Variants in NMNAT2 observed in about 807,000 individuals in gnomAD.
NMNAT2 encodes the protein nicotinamide nucleotide adenylyltransferase 2.
In NMNAT2, 11 loss-of-function variants were observed where a neutral mutation model predicts 41.6. The ratio of observed to expected loss-of-function variants is 0.26; its 90% confidence interval spans 0.17 to 0.44. The LOEUF is 0.44. Ranked by LOEUF, NMNAT2 falls within the 20% of genes least tolerant of loss-of-function variation. The pLI is 1.00. For missense variants in NMNAT2, 288 were observed against 407.7 expected, an observed-to-expected ratio of 0.71 and a Z score of 2.53; for synonymous variants, 148 against 151.2, an observed-to-expected ratio of 0.98 and a Z score of 0.16.
intron 8 of NMNAT2, among the ~76,000 whole-genome samples, chr1:183,262,712 C>T (rs1421401477): frequency 6.6e-6 from 1 of 152,174 alleles, no homozygotes; most frequent in Admixed American, 6.5e-5. Context: ...TGAGACATAT[C>T]ACCAAGTTGC....
rs199584779 is a variant in NMNAT2, at chr1:183,251,385, G to A, written c.*1256C>T. On this transcript the variant is annotated 3_prime_UTR_variant, in exon 11 of 11. Transcript: ENST00000287713. The stretch of plus-strand genomic sequence containing the variant: ...TCAGTTATCATCAGGGCAACAAATT[G>A]CTTTCTCCTAGTTCATCCTGGACTT... 1.3e-5 allele frequency: 2 copies of A among 152,252 alleles called. No homozygotes were observed. Among genetic ancestry groups the A allele is most frequent in the Non-Finnish European group, 2.9e-5 (2 of 68,072 alleles). 9.4% of individuals were successfully genotyped at this position (152,252 alleles called of 1,614,324 possible). A position where few individuals can be genotyped will look rare whatever the true frequency, so the allele number is the denominator to read the frequency against.
At chr1:183,367,407 G>A (rs1037647233) in intron 1 of NMNAT2, among the ~76,000 whole-genome samples, 1 of 152,162 alleles carries the variant, frequency 6.6e-6, no homozygotes, top group East Asian at 1.9e-4. Flanking sequence ...GCAGTGAGCC[G>A]AGATCGTGCC....
intron 3 of NMNAT2, among the ~76,000 whole-genome samples, chr1:183,291,186 G>A (rs1661531294): frequency 6.6e-6 from 1 of 152,130 alleles, no homozygotes; most frequent in African/African-American, 2.4e-5. Context: ...CAAAGTGCTG[G>A]GATTACAAGC....
At chr1:183,393,715 C>T (rs1648551375) in intron 1 of NMNAT2, among the ~76,000 whole-genome samples, 1 of 152,128 alleles carries the variant, frequency 6.6e-6, no homozygotes, top group South Asian at 2.1e-4. Context: ...ACCACCACGC[C>T]CGGCTAATTT....
intron 1 of NMNAT2, among the ~76,000 whole-genome samples, chr1:183,403,440 A>AC (rs35578924): frequency 0.023 from 3,017 of 132,594 alleles, 47 homozygotes; most frequent in Non-Finnish European, 0.029. Context: ...AAGAGGAACA[A>AC]CCCCCCCCCC....
At chr1:183,295,341 A>C (rs1276550671) in intron 1 of NMNAT2, among the ~76,000 whole-genome samples, 1 of 152,188 alleles carries the variant, frequency 6.6e-6, no homozygotes, top group Non-Finnish European at 1.5e-5. Flanking sequence ...TAGATTAAAA[A>C]AAAAATGAAT....
intron 1 of NMNAT2, chr1:183,304,901 G>T (rs1270323449): frequency 5.5e-6 from 8 of 1,447,638 alleles, no homozygotes; most frequent in Non-Finnish European, 6.4e-6. Flanking sequence ...GCCAGGAAAT[G>T]ATTTATGACC....
intron 1 of NMNAT2, among the ~76,000 whole-genome samples, chr1:183,406,576 T>C (rs1648960370): frequency 6.6e-6 from 1 of 152,214 alleles, no homozygotes; most frequent in Non-Finnish European, 1.5e-5. Context: ...AAAGATGTTT[T>C]AAAAGGGATT....
intron 1 of NMNAT2, among the ~76,000 whole-genome samples, chr1:183,304,492 C>T (rs1030113438): frequency 2.0e-5 from 3 of 152,192 alleles, no homozygotes; most frequent in Non-Finnish European, 2.9e-5. Flanking sequence ...GCAGAAGGTG[C>T]GGGCTGGGCT....
intron 1 of NMNAT2, among the ~76,000 whole-genome samples, chr1:183,403,447 C>T (rs564175346): frequency 1.3e-5 from 2 of 151,484 alleles, no homozygotes; most frequent in African/African-American, 2.4e-5. Context: ...ACAACCCCCC[C>T]CCCCAAAAAA....
chr1:183,290,051 C>T lies in NMNAT2; in HGVS notation c.321+77G>A. 2.5e-6 allele frequency: 3 copies of T among 1,196,430 alleles called. No individual in the cohort carries two copies. In the South Asian group the frequency reaches 4.1e-5, roughly 17 times the overall value. The allele number at this position is 1,196,430 out of a possible 1,614,324, so 74.1% of individuals were successfully genotyped here. ...CCAGCAGCACCCTCTCCTCTCCCTG[C>T]CTGGTTTCTGTGGGTCCAGCCCCTT... On this transcript the variant is annotated intron_variant, in intron 4 of 10. Coordinates refer to ENST00000287713, the MANE Select transcript of NMNAT2 (RefSeq NM_015039.4).
intron 3 of NMNAT2, 35 bp from the exon 4 acceptor site, chr1:183,290,241 T>C: frequency 6.7e-7 from 1 of 1,500,098 alleles, no homozygotes. Context: ...CCTTGGTTTC[T>C]GTTCTCATAT....
chr1:183,310,014 A>G (rs971115869), intron 1 of NMNAT2, among the ~76,000 whole-genome samples: 2 of 152,238 alleles, frequency 1.3e-5, no homozygotes, highest in Non-Finnish European at 2.9e-5. Context: ...GGACACCTGA[A>G]GAATCATGGA....
At position 183,252,576 on chromosome 1, in the gene NMNAT2, C is replaced by T. The variant is rs1207400765; in HGVS notation, c.*65G>A. On this transcript the variant is annotated 3_prime_UTR_variant, in exon 11 of 11. Coordinates refer to ENST00000287713, the MANE Select transcript of NMNAT2 (RefSeq NM_015039.4). ...ACGAGGAGATGGAGAAACAGAGAGG[C>T]AGGAGAGAAACAGGGGGCTGACAAA... The T allele has an allele frequency of 1.8e-6, 2 of 1,113,126 alleles. No individual in the cohort carries two copies. Among genetic ancestry groups the T allele is most frequent in the African/African-American group, 1.5e-5 (1 of 65,302 alleles). The allele number at this position is 1,113,126 out of a possible 1,614,324, so 69.0% of individuals were successfully genotyped here.
intron 8 of NMNAT2, among the ~76,000 whole-genome samples, chr1:183,276,379 G>C (rs1470555554): frequency 6.6e-6 from 1 of 152,168 alleles, no homozygotes; most frequent in Non-Finnish European, 1.5e-5. Flanking sequence ...GGAGAGACCT[G>C]GGGCTCTTCT....
At chr1:183,403,229 C>T (rs1449238854) in intron 1 of NMNAT2, among the ~76,000 whole-genome samples, 4 of 152,108 alleles carry the variant, frequency 2.6e-5, no homozygotes, top group African/African-American at 7.2e-5. Flanking sequence ...CCACTGCACC[C>T]GGCCAAACAA....
At chr1:183,369,511 T>C (rs1663486761) in intron 1 of NMNAT2, among the ~76,000 whole-genome samples, 1 of 152,072 alleles carries the variant, frequency 6.6e-6, no homozygotes, top group Admixed American at 6.6e-5. Flanking sequence ...TCTCCTGACC[T>C]CATGATCCAC....
At chr1:183,369,410 G>A (rs1257416661) in intron 1 of NMNAT2, among the ~76,000 whole-genome samples, 7 of 151,842 alleles carry the variant, frequency 4.6e-5, no homozygotes, top group South Asian at 2.1e-4. Context: ...CCAAGTAGCT[G>A]GGACTACAGG....
intron 1 of NMNAT2, among the ~76,000 whole-genome samples, chr1:183,338,992 A>G: frequency 6.6e-6 from 1 of 152,164 alleles, no homozygotes; most frequent in South Asian, 2.1e-4. Context: ...AGTAAGGCTG[A>G]TTTCACAGGG....
Sources: allele counts gnomAD v4.1 joint callset (sites outside exome capture counted in the v4.1 genomes callset), GRCh38; gene constraint gnomAD v4.1.1; transcripts MANE v1.5; gene names NCBI Gene and HGNC (gene_info 2026-07-23, HGNC 2026-07-21).